IQCM: variants seen among roughly 807,000 people sequenced by gnomAD.
IQCM encodes the protein IQ motif containing M.
Under a neutral mutation model 57.6 loss-of-function variants are expected in IQCM, and 45 were observed. The observed-to-expected ratio is 0.78, with a 90% CI of 0.62 to 1.00. IQCM has a LOEUF of 1.00. Ranked by LOEUF, IQCM falls within the 50% of genes least tolerant of loss-of-function variation. IQCM has a pLI of 0.00. For missense variants in IQCM, 468 were observed against 511.6 expected (o/e 0.91, Z 0.82); for synonymous variants, 148 against 158.9 (o/e 0.93, Z 0.51).
At chr4:149,758,103 A>C (rs1416329328) in intron 2 of IQCM, among the ~76,000 whole-genome samples, 1 of 152,216 alleles carries the variant, frequency 6.6e-6, no homozygotes, top group Non-Finnish European at 1.5e-5. Flanking sequence ...TGGATAGCCC[A>C]GAAATAGTCT....
chr4:149,615,841 C>T (rs778949853), intron 8 of IQCM, among the ~76,000 whole-genome samples: 7 of 152,168 alleles, frequency 4.6e-5, no homozygotes, highest in African/African-American at 9.7e-5. Flanking sequence ...TTTAACAAGG[C>T]AGGCTTCTCT....
chr4:149,640,733 T>C (rs1401801127), intron 7 of IQCM, among the ~76,000 whole-genome samples: 1 of 152,184 alleles, frequency 6.6e-6, no homozygotes, highest in African/African-American at 2.4e-5. Flanking sequence ...TTCTCTTATT[T>C]TGAGGCCAAT....
At chr4:149,555,811 G>T (rs1443107013) in intron 10 of IQCM, among the ~76,000 whole-genome samples, 1 of 152,054 alleles carries the variant, frequency 6.6e-6, no homozygotes, top group East Asian at 1.9e-4. Context: ...GAAAAGGAAG[G>T]GCATTGGGCA....
chr4:149,404,248 C>T (rs567642170), intron 13 of IQCM, among the ~76,000 whole-genome samples: 2 of 152,132 alleles, frequency 1.3e-5, no homozygotes, highest in African/African-American at 2.4e-5. Context: ...CCAGCTGCCA[C>T]GCCTTTATCA....
intron 3 of IQCM, among the ~76,000 whole-genome samples, chr4:149,740,752 T>C (rs1767382415): frequency 6.6e-6 from 1 of 152,150 alleles, no homozygotes; most frequent in Non-Finnish European, 1.5e-5. Context: ...AGAATTTCTT[T>C]GCTGAAAAGT....
In IQCM at chr4:149,516,558, G is replaced by A. The variant is rs534762094; in HGVS notation, c.1228+31897C>T. ...CCAACTAGGTAACAATACTTTTCAG[G>A]GCTGGAGCAAAGTTCTCCAGAAGGC... is the stretch of plus-strand genomic sequence containing the variant. On this transcript the variant is annotated intron_variant, in intron 12 of 13. Coordinates refer to ENST00000636793, the MANE Select transcript of IQCM (RefSeq NM_001363507.2). Among the ~76,000 whole-genome samples the A allele has an allele frequency of 1.8e-4, 28 of 152,218 alleles. No homozygotes were observed. The South Asian group carries it at 5.4e-3, about 29-fold the overall frequency.
chr4:149,498,415 A>G lies in IQCM; in HGVS notation c.1228+50040T>C, dbSNP rs538550942. Among the ~76,000 whole-genome samples, 8 of 152,288 alleles carry G rather than the reference A, an allele frequency of 5.3e-5. No homozygotes were observed. In the South Asian group the frequency reaches 1.4e-3, roughly 28 times the overall value. ...TCCATTATGGTGTGACAAGGATTTT[A>G]TCTTCCTGGCAGATCATGTTTACCA... On this transcript the variant is annotated intron_variant, in intron 12 of 13. Transcript: ENST00000636793.
chr4:149,772,702 C>T (rs1770702227), intron 2 of IQCM, among the ~76,000 whole-genome samples: 1 of 152,158 alleles, frequency 6.6e-6, no homozygotes, highest in Admixed American at 6.5e-5. Context: ...TGGTTAGTAA[C>T]AGGTCATTTT....
At chr4:149,696,279 A>G (rs933847594) in intron 5 of IQCM, among the ~76,000 whole-genome samples, 2 of 152,144 alleles carry the variant, frequency 1.3e-5, no homozygotes, top group South Asian at 4.1e-4. Context: ...GCATTCAATG[A>G]TAATGATTTT....
chr4:149,619,107 G>GATATATATATATATATACATAT (rs1756069709), intron 8 of IQCM, among the ~76,000 whole-genome samples: 2 of 126,762 alleles, frequency 1.6e-5, no homozygotes, highest in Non-Finnish European at 3.3e-5. Flanking sequence ...ATGTGGGATG[G>GATATATATATATATATACATAT]ATATATATAT....
intron 9 of IQCM, among the ~76,000 whole-genome samples, chr4:149,569,221 G>A (rs1391165564): frequency 1.3e-5 from 2 of 152,208 alleles, no homozygotes; most frequent in Admixed American, 6.5e-5. Flanking sequence ...GTTTTGTGAT[G>A]CCATTGTGGC....
At chr4:149,411,088 A>T (rs1415567114) in intron 13 of IQCM, among the ~76,000 whole-genome samples, 1 of 152,150 alleles carries the variant, frequency 6.6e-6, no homozygotes, top group Non-Finnish European at 1.5e-5. Context: ...TTTCAAAAAA[A>T]CTGAAGTTCA....
chr4:149,484,827 C>G (rs999104157), intron 12 of IQCM, among the ~76,000 whole-genome samples: 1 of 151,986 alleles, frequency 6.6e-6, no homozygotes, highest in South Asian at 2.1e-4. Context: ...CTTTAACATC[C>G]TTTTCTTTAG....
intron 2 of IQCM, among the ~76,000 whole-genome samples, chr4:149,773,461 C>A (rs1770785313): frequency 6.6e-6 from 1 of 152,120 alleles, no homozygotes; most frequent in African/African-American, 2.4e-5. Flanking sequence ...TAAATACACT[C>A]TTCTTAATCT....
chr4:149,485,819 T>A (rs926198182), intron 12 of IQCM, among the ~76,000 whole-genome samples: 5 of 152,120 alleles, frequency 3.3e-5, no homozygotes, highest in African/African-American at 1.2e-4. Flanking sequence ...ATTGTAGTCT[T>A]CACAGTCTGG....
chr4:149,575,724 T>C (rs911281914), intron 9 of IQCM, among the ~76,000 whole-genome samples: 1 of 151,912 alleles, frequency 6.6e-6, no homozygotes, highest in Admixed American at 6.6e-5. Context: ...TCTAAGACAA[T>C]TGGAATTTCT....
intron 5 of IQCM, among the ~76,000 whole-genome samples, chr4:149,714,075 G>A (rs984333381): frequency 6.6e-6 from 1 of 152,066 alleles, no homozygotes; most frequent in Admixed American, 6.6e-5. Context: ...TACTAAAATA[G>A]TAGGTGTCAA....
At chr4:149,570,462 C>T (rs925753893) in intron 9 of IQCM, among the ~76,000 whole-genome samples, 2 of 151,892 alleles carry the variant, frequency 1.3e-5, no homozygotes, top group Admixed American at 6.6e-5. Flanking sequence ...CAGGAAAACA[C>T]ATATTGGGAA....
At chr4:149,685,324 T>C (rs571901087) in intron 6 of IQCM, among the ~76,000 whole-genome samples, 2 of 151,674 alleles carry the variant, frequency 1.3e-5, no homozygotes, top group East Asian at 3.9e-4. Flanking sequence ...CCAATTTGGA[T>C]CTTGAGTTAA....
Sources: gnomAD v4.1 joint callset for allele counts (sites outside exome capture counted in the v4.1 genomes callset) on GRCh38, gnomAD v4.1.1 for gene constraint, MANE v1.5 for transcripts, NCBI Gene and HGNC (gene_info 2026-07-23, HGNC 2026-07-21) for gene names.